The following PKD1 variants were observed in gnomAD, a reference collection of about 807,000 sequenced individuals.
PKD1 encodes polycystin-1.
Under a neutral mutation model 361.7 loss-of-function variants are expected in PKD1, and 81 were observed. The observed-to-expected ratio is 0.22, with a 90% CI of 0.19 to 0.27. PKD1 has a LOEUF of 0.27. PKD1 is among the 10% of genes least tolerant of loss of function. The pLI is 1.00. For synonymous variants in PKD1, 3,615 were observed against 2,818.3 expected (o/e 1.28, Z -8.95); for missense variants, 6,399 against 6,118.3 (o/e 1.05, Z -1.53).
In PKD1 at chr16:2,118,904, C is replaced by T. The variant is rs936664209; in HGVS notation, c.360-59G>A. ...CTGGTGGGAAGGGTCTATGCCAGCC[C>T]CCCACTGGCAACCAGGCCCTGGAGC... On this transcript the variant is annotated intron_variant, in intron 3 of 45. Transcript: ENST00000262304. The surrounding 1 kb of genome is among the most constrained non-coding windows in gnomAD (Gnocchi z 6.0). 1.0e-6 allele frequency: 1 copy of T among 973,468 alleles called. No homozygotes were observed. The highest frequency in any genetic ancestry group is 1.6e-6 in the Non-Finnish European group (1 of 644,870). 60.3% of individuals were successfully genotyped at this position (973,468 alleles called of 1,614,324 possible). A position where few individuals can be genotyped will look rare whatever the true frequency, so the allele number is the denominator to read the frequency against.
chr16:2,109,599 G>C lies in PKD1; in HGVS notation c.5568C>G (p.Phe1856Leu), dbSNP rs551716837. ...GGATGGAGAAGGTGCCAGCATCCGGGAAGACCATGGTGACATGAGGGCCAC... is the reference window on the plus strand; with the variant it reads ...GGATGGAGAAGGTGCCAGCATCCGGCAAGACCATGGTGACATGAGGGCCAC... ...SKRGPHVTMV[F>L]PDAGTFSIRL... Residue 1856 changes from phenylalanine (F) to leucine (L), a missense_variant, in exon 15 of 46, where the codon TTC (phenylalanine) becomes TTG (leucine). Transcript: ENST00000262304. 3.7e-6 allele frequency: 6 copies of C among 1,610,886 alleles called. No individual in the cohort carries two copies. Among genetic ancestry groups the C allele is most frequent in the Non-Finnish European group, 5.1e-6 (6 of 1,179,204 alleles).
rs768338514 is a variant in PKD1, at chr16:2,112,875, G to A, written c.3074C>T (p.Ser1025Phe). 19 of 1,606,796 alleles carry A rather than the reference G, an allele frequency of 1.2e-5. No individual in the cohort carries two copies. Among genetic ancestry groups the A allele is most frequent in the Non-Finnish European group, 1.5e-5 (18 of 1,179,690 alleles). Residue 1025 changes from serine (S) to phenylalanine (F), a missense_variant, in exon 13 of 46, where the codon TCC becomes TTC. Coordinates refer to ENST00000262304, the MANE Select transcript of PKD1 (RefSeq NM_001009944.3). Reference sequence around the variant, plus strand: ...GGGGGACAGCACGGCCGGCACTGTGGAGACCTGCAGACCCTGCATCCTGTT... The same window carrying A: ...GGGGGACAGCACGGCCGGCACTGTGAAGACCTGCAGACCCTGCATCCTGTT... The part of the protein sequence containing the change: ...RMNRMQGLQV[S>F]TVPAVLSPNA...
chr16:2,108,362 A>C lies in PKD1; in HGVS notation c.6805T>G (p.Ser2269Ala), dbSNP rs375265656. Residue 2269 changes from serine to alanine, a missense_variant, in exon 15 of 46, where the codon TCA (serine) becomes GCA (alanine). Ser to Ala is a moderately conservative substitution (Grantham distance 99, BLOSUM62 1). Coordinates refer to ENST00000262304, the MANE Select transcript of PKD1 (RefSeq NM_001009944.3). ...IIEGGSYRVW[S>A]DTRDLVLDGS... is the part of the protein sequence containing the mutation. ...TCCAGCACCAGGTCCCGTGTGTCTGACCACACGCGGTATGAGCCACCCTCA... is the reference window on the plus strand; with the variant it reads ...TCCAGCACCAGGTCCCGTGTGTCTGCCCACACGCGGTATGAGCCACCCTCA... 3.1e-6 allele frequency: 5 copies of C among 1,609,918 alleles called. No individual in the cohort carries two copies. The African/African-American group carries it at 6.7e-5, about 22-fold the overall frequency.
chr16:2,097,528 G>C lies in PKD1; in HGVS notation c.10221-25C>G, dbSNP rs1173043237. 5 of 1,602,024 alleles carry C rather than the reference G, an allele frequency of 3.1e-6. No individual in the cohort carries two copies. In the South Asian group the frequency reaches 3.3e-5, roughly 11 times the overall value. ...ACTGCAGGTGGCGCGGGTCAGCAAG[G>C]TACCAGGGGATGTGTCACACACACA... On this transcript the variant is annotated intron_variant, in intron 32 of 45. Coordinates refer to ENST00000262304, the MANE Select transcript of PKD1 (RefSeq NM_001009944.3).
At chr16:2,112,159 C>T (rs1444461744) in intron 14 of PKD1, among the ~76,000 whole-genome samples, 181 bp downstream of exon 14, 1 of 152,216 alleles carries the variant, frequency 6.6e-6, no homozygotes, top group African/African-American at 2.4e-5. Flanking sequence ...GCCCAGCTTC[C>T]CTGTCCACTC....
At position 2,108,549 on chromosome 16, in the gene PKD1, C is replaced by T. The variant is rs761366443; in HGVS notation, c.6618G>A (p.Leu2206=). 1.3e-5 allele frequency: 21 copies of T among 1,603,366 alleles called. No individual in the cohort carries two copies. Among genetic ancestry groups the T allele is most frequent in the Admixed American group, 6.8e-5 (4 of 59,228 alleles). The change falls in exon 15 of 46, where the codon CTG becomes CTA. Residue 2206 remains leucine, a synonymous_variant. Transcript: ENST00000262304. ...QRPGRPARVA[L]PGVDVSRPRL... ...GAGGCCGGCTCACGTCCACGCCGGGCAGGGCCACACGCGCTGGGCGCCCCG... is the reference window on the plus strand; with the variant it reads ...GAGGCCGGCTCACGTCCACGCCGGGTAGGGCCACACGCGCTGGGCGCCCCG...
intron 1 of PKD1, among the ~76,000 whole-genome samples, chr16:2,121,409 G>T (rs1390848472): frequency 6.6e-6 from 1 of 151,896 alleles, no homozygotes; most frequent in Non-Finnish European, 1.5e-5. Flanking sequence ...AGGGTGAGAG[G>T]GAGGGAGGAA....
chr16:2,133,529 C>A (rs970053860), intron 1 of PKD1, among the ~76,000 whole-genome samples: 1 of 150,446 alleles, frequency 6.6e-6, no homozygotes, highest in Non-Finnish European at 1.5e-5. Flanking sequence ...TGGGGAAAAC[C>A]CAGCCGTCTC....
chr16:2,107,758 A>G, intron 16 of PKD1, 125 bp downstream of exon 16: 1 of 893,830 alleles, frequency 1.1e-6, no homozygotes, highest in Non-Finnish European at 1.8e-6. Context: ...GTTACATAGA[A>G]TTTGCATCAG....
At position 2,093,780 on chromosome 16, in the gene PKD1, G is replaced by T. The variant is rs753358191; in HGVS notation, c.10821+31C>A. On this transcript the variant is annotated intron_variant, in intron 36 of 45. Transcript: ENST00000262304. ...TTCAGAGGGGTCCCCCGTGATGGAG[G>T]CCTGTAGCCTACCCCTGGCAGCCCC... 20 of 1,557,396 alleles carry T rather than the reference G, an allele frequency of 1.3e-5. No individual in the cohort carries two copies. The African/African-American group carries it at 2.5e-4, about 19-fold the overall frequency.
At chr16:2,112,533 G>A (rs1429696515) in intron 13 of PKD1, 60 bp from the exon 14 acceptor site, 1 of 1,464,592 alleles carries the variant, frequency 6.8e-7, no homozygotes, top group Non-Finnish European at 9.3e-7. Flanking sequence ...TGGCGGGGCA[G>A]GGGGTGCTTG....
chr16:2,122,129 G>A (rs1567222150), intron 1 of PKD1, among the ~76,000 whole-genome samples: 1 of 152,248 alleles, frequency 6.6e-6, no homozygotes, highest in Non-Finnish European at 1.5e-5. Context: ...CAGCTGAGGG[G>A]ACAGAGCAGC....
rs1394021424 is a variant in PKD1, at chr16:2,100,274, CGAT to C, written c.9601_9603del (p.Ile3201del). On this transcript the variant is annotated inframe_deletion, in exon 28 of 46. Transcript: ENST00000262304. This position sits in a 1 kb window ranked among gnomAD's most constrained non-coding sequence, Gnocchi z 4.4. ...CTGCGTGCCGTCTGCAGGTCCCTGA[CGAT>C]GACGTGCTGCAGGAACCAGGCAGGG... is the stretch of plus-strand genomic sequence containing the variant. 6.2e-7 allele frequency: 1 copy of C among 1,610,696 alleles called. No homozygotes were observed. Among genetic ancestry groups the C allele is most frequent in the Non-Finnish European group, 8.5e-7 (1 of 1,179,780 alleles).
intron 16 of PKD1, chr16:2,107,161 T>G: frequency 1.6e-6 from 1 of 628,332 alleles, no homozygotes; most frequent in Non-Finnish European, 2.9e-6. Context: ...CACTGGAGTG[T>G]GCGTTCTGGT....
rs552150020 is a variant in PKD1 at position 2,114,515 on chromosome 16, G to C, written c.2508C>G (p.Leu836=). ...AGGCTGAGCCGTTGGTGGGCACGTA[G>C]AGGCGGCCGTCGCGGGGGGCAGGGT... ...VIYPAPRDGR[L]YVPTNGSALV... Residue 836 remains leucine (L), a synonymous_variant, in exon 11 of 46, where the codon CTC becomes CTG. Transcript: ENST00000262304. The C allele has an allele frequency of 1.9e-6, 3 of 1,594,996 alleles. No homozygotes were observed. The highest frequency in any genetic ancestry group is 2.7e-5 in the African/African-American group (2 of 74,836).
intron 34 of PKD1, among the ~76,000 whole-genome samples, chr16:2,095,853 G>A (rs189834289): frequency 6.6e-6 from 1 of 152,280 alleles, no homozygotes; most frequent in African/African-American, 2.4e-5. Flanking sequence ...CAGAGCTTTG[G>A]GCCGGAGATA....
intron 16 of PKD1, chr16:2,107,506 T>C: frequency 5.2e-6 from 2 of 386,746 alleles, no homozygotes; most frequent in East Asian, 1.2e-4. Context: ...GGGCTCAGGG[T>C]CACCAAGCCT....
chr16:2,090,798 T>C lies in PKD1; in HGVS notation c.12014A>G (p.Gln4005Arg), dbSNP rs760873748. ...GGACCACTGGCGCACGAAGCGTAGC[T>C]GCTGGGCAGCCTGCGGACGAGAAAT... ...LFLLLVKAAQ[Q>R]LRFVRQWSVF... The change falls in exon 44 of 46, where the codon CAG becomes CGG. Residue 4005 changes from glutamine (Q) to arginine (R), a missense_variant. Coordinates refer to ENST00000262304, the MANE Select transcript of PKD1 (RefSeq NM_001009944.3). 7.4e-6 allele frequency: 12 copies of C among 1,612,380 alleles called. No individual in the cohort carries two copies. Among genetic ancestry groups the C allele is most frequent in the Non-Finnish European group, 8.5e-6 (10 of 1,179,944 alleles).
At chr16:2,107,161 T>C (rs1567188137) in intron 16 of PKD1, 1 of 628,332 alleles carries the variant, frequency 1.6e-6, no homozygotes, top group Non-Finnish European at 2.9e-6. Flanking sequence ...CACTGGAGTG[T>C]GCGTTCTGGT....
Sources: gnomAD v4.1 joint callset for allele counts (sites outside exome capture counted in the v4.1 genomes callset) on GRCh38, gnomAD v4.1.1 for gene constraint, Gnocchi (gnomAD v3.1) non-coding constraint, MANE v1.5 for transcripts, NCBI Gene and HGNC (gene_info 2026-07-23, HGNC 2026-07-21) for gene names.